LRFN1: variants seen among roughly 807,000 people sequenced by gnomAD.
LRFN1 encodes leucine rich repeat and fibronectin type III domain containing 1.
Under a neutral mutation model 31.8 loss-of-function variants are expected in LRFN1, and 20 were observed. The observed-to-expected ratio is 0.63, with a 90% confidence interval of 0.44 to 0.91. The LOEUF (loss-of-function observed/expected upper bound fraction) is 0.91, where lower values mean the gene tolerates loss of function less well. Ranked by LOEUF, LRFN1 falls within the 40% of genes least tolerant of loss-of-function variation. LRFN1 has a pLI of 0.00. For missense variants in LRFN1, 912 were observed against 1,129.8 expected, an observed-to-expected ratio of 0.81 and a Z score of 2.76; for synonymous variants, 514 against 541.3, an observed-to-expected ratio of 0.95 and a Z score of 0.70.
At chr19:39,313,871 G>T in intron 4 of LRFN1, 60 bp downstream of exon 4, 2 of 1,490,106 alleles carry the variant, frequency 1.3e-6, no homozygotes, top group Non-Finnish European at 1.8e-6. Flanking sequence ...ATGGGCAGGT[G>T]GGAGGGAGGG....
In LRFN1 at chr19:39,308,449, C is replaced by A. The variant is rs758709899; in HGVS notation, c.1500G>T (p.Gly500=). The change falls in exon 5 of 5, where the codon GGG becomes GGT. Residue 500 remains glycine (G), a synonymous_variant. Transcript: ENST00000248668. The surrounding 1 kb of genome is among the most constrained non-coding windows in gnomAD (Gnocchi z 6.2). ...CTCGCGTTGCCGGCAGCGCTGTGGCCCCGTCGTCGTAGACCGCCAGCACGC... is the reference window on the plus strand; with the variant it reads ...CTCGCGTTGCCGGCAGCGCTGTGGCACCGTCGTCGTAGACCGCCAGCACGC... ...DLCVLAVYDD[G]ATALPATRVV... is the part of the protein sequence containing the mutation. The A allele has an allele frequency of 1.9e-6, 3 of 1,610,108 alleles. No homozygotes were observed. In the South Asian group the frequency reaches 3.3e-5, roughly 18 times the overall value.
rs899202267 is a variant in LRFN1 at position 39,308,740 on chromosome 19, G to A, written c.1407-198C>T. 2.0e-5 allele frequency among the ~76,000 whole-genome samples: 3 copies of A among 151,940 alleles called. No homozygotes were observed. Among genetic ancestry groups the A allele is most frequent in the African/African-American group, 2.4e-5 (1 of 41,352 alleles). ...TTCACACCCCTCATCTGTATGCCCCGCCCTCAGACCCACCTCCTGGCTGTG... is the reference window on the plus strand; with the variant it reads ...TTCACACCCCTCATCTGTATGCCCCACCCTCAGACCCACCTCCTGGCTGTG... On this transcript the variant is annotated intron_variant, in intron 4 of 4. Transcript: ENST00000248668. This position sits in a 1 kb window ranked among gnomAD's most constrained non-coding sequence, Gnocchi z 6.2.
At chr19:39,313,905 C>T (rs776043874) in intron 4 of LRFN1, 26 bp downstream of exon 4, 11 of 1,562,916 alleles carry the variant, frequency 7.0e-6, no homozygotes, top group Non-Finnish European at 8.7e-6. Flanking sequence ...GGGAGGAGGC[C>T]CTGGGACTGC....
Position 39,314,985 on chromosome 19 carries a change from G to C in LRFN1, c.352C>G (p.Leu118Val). The C allele has an allele frequency of 6.3e-7, 1 of 1,590,846 alleles. No individual in the cohort carries two copies. The highest frequency in any genetic ancestry group is 8.5e-7 in the Non-Finnish European group (1 of 1,174,764). Residue 118 changes from leucine (L) to valine (V), a missense_variant, in exon 4 of 5, where the codon CTG becomes GTG. Physicochemically the swap from Leu to Val is conservative, Grantham distance 32. Transcript: ENST00000248668. ...AFADLRALRA[L>V]HLDSNRLAEV... is the part of the protein sequence containing the mutation. ...GCCAGGCGGTTGCTGTCCAGGTGCA[G>C]GGCCCGGAGGGCACGCAGGTCGGCG...
chr19:39,308,154 G>A lies in LRFN1; in HGVS notation c.1795C>T (p.Leu599=), dbSNP rs1452195528. The A allele has an allele frequency of 1.4e-5, 22 of 1,547,362 alleles. No individual in the cohort carries two copies. The highest frequency in any genetic ancestry group is 1.7e-5 in the Non-Finnish European group (20 of 1,148,306). Residue 599 remains leucine, a synonymous_variant, in exon 5 of 5, where the codon CTG becomes TTG. Coordinates refer to ENST00000248668, the MANE Select transcript of LRFN1 (RefSeq NM_020862.2). This position sits in a 1 kb window ranked among gnomAD's most constrained non-coding sequence, Gnocchi z 6.2. The part of the protein sequence containing the change: ...AGTGAAQAPA[L]PAQDHYEALR... The stretch of plus-strand genomic sequence containing the variant: ...GCCTCGTAGTGGTCCTGGGCCGGCA[G>A]GGCCGGGGCCTGTGCCGCGCCTGTG...
chr19:39,308,546 T>C lies in LRFN1; in HGVS notation c.1407-4A>G, dbSNP rs1436679639. On this transcript the variant is annotated splice_polypyrimidine_tract_variant and splice_region_variant and intron_variant, in intron 4 of 4. Transcript: ENST00000248668. The surrounding 1 kb of genome is among the most constrained non-coding windows in gnomAD (Gnocchi z 6.2). ...CTGACTGGTGGACGGGATCATCCTGTAGGAGGGGGCGGGTTCAGGGCGGGG... is the reference window on the plus strand; with the variant it reads ...CTGACTGGTGGACGGGATCATCCTGCAGGAGGGGGCGGGTTCAGGGCGGGG... 1.9e-6 allele frequency: 3 copies of C among 1,581,280 alleles called. No homozygotes were observed. The highest frequency in any genetic ancestry group is 1.7e-6 in the Non-Finnish European group (2 of 1,170,386).
In LRFN1 at chr19:39,314,211, C is replaced by A; in HGVS notation, c.1126G>T (p.Ala376Ser). The A allele has an allele frequency of 6.2e-7, 1 of 1,613,340 alleles. No individual in the cohort carries two copies. Among genetic ancestry groups the A allele is most frequent in the Non-Finnish European group, 8.5e-7 (1 of 1,179,692 alleles). The change falls in exon 4 of 5, where the codon GCT becomes TCT. Residue 376 changes from alanine (A) to serine (S), a missense_variant. By Grantham distance (99) the Ala-to-Ser change is moderately conservative. Coordinates refer to ENST00000248668, the MANE Select transcript of LRFN1 (RefSeq NM_020862.2). The part of the protein sequence containing the change: ...GTFTCIASNA[A>S]GEATAPVEVC... ...TCCACGGGCGCCGTCGCTTCCCCAGCAGCATTGGAGGCGATACAAGTGAAG... is the reference window on the plus strand; with the variant it reads ...TCCACGGGCGCCGTCGCTTCCCCAGAAGCATTGGAGGCGATACAAGTGAAG...
At chr19:39,312,452 A>G (rs143631648) in intron 4 of LRFN1, among the ~76,000 whole-genome samples, 1 of 152,220 alleles carries the variant, frequency 6.6e-6, no homozygotes, top group Non-Finnish European at 1.5e-5. Flanking sequence ...GTGGCAAACT[A>G]CCATTTATCA....
At position 39,307,647 on chromosome 19, in the gene LRFN1, C is replaced by A; in HGVS notation, c.2302G>T (p.Glu768Ter). The part of the protein sequence containing the change: ...LAFTSTEWML[E>*]STV ...CCGCCCGCCGCTCACACGGTACTCT[C>A]CAGCATCCACTCGGTGCTGGTGAAA... The change falls in exon 5 of 5, where the codon GAG (glutamate) becomes TAG (stop). Residue 768 changes from glutamate to a stop codon, truncating the protein, a stop_gained. Coordinates refer to ENST00000248668, the MANE Select transcript of LRFN1 (RefSeq NM_020862.2). LOFTEE classifies it high-confidence loss of function. This position sits in a 1 kb window ranked among gnomAD's most constrained non-coding sequence, Gnocchi z 6.7. 6.8e-7 allele frequency: 1 copy of A among 1,464,698 alleles called. No homozygotes were observed. The highest frequency in any genetic ancestry group is 8.9e-7 in the Non-Finnish European group (1 of 1,117,498). The allele number at this position is 1,464,698 out of a possible 1,614,324, so 90.7% of individuals were successfully genotyped here.
chr19:39,310,020 C>T (rs183710216), intron 4 of LRFN1, among the ~76,000 whole-genome samples: 89 of 152,270 alleles, frequency 5.8e-4, no homozygotes, highest in African/African-American at 1.8e-3. Context: ...TACAATGACG[C>T]GATCTCGGCT....
Position 39,308,347 on chromosome 19 carries a change from G to A in LRFN1, c.1602C>T (p.Gly534=). The A allele has an allele frequency of 5.6e-6, 9 of 1,612,796 alleles. No homozygotes were observed. The highest frequency in any genetic ancestry group is 1.7e-5 in the Admixed American group (1 of 59,938). Residue 534 remains glycine (G), a synonymous_variant, in exon 5 of 5, where the codon GGC becomes GGT. Transcript: ENST00000248668. The surrounding 1 kb of genome is among the most constrained non-coding windows in gnomAD (Gnocchi z 6.2). ...CRPLRAHFLG[G]TMIIAIGGVI... The stretch of plus-strand genomic sequence containing the variant: ...CGCCCCCGATGGCGATGATCATGGT[G>A]CCGCCCAAGAAATGGGCCCTCAGCG...
chr19:39,315,126 G>T lies in LRFN1; in HGVS notation c.211C>A (p.Arg71=), dbSNP rs766235216. 2.5e-6 allele frequency: 4 copies of T among 1,592,794 alleles called. No individual in the cohort carries two copies. The South Asian group carries it at 4.5e-5, about 18-fold the overall frequency. ...PAIDRRVVEL[R]LTDNFIAAVR... Reference sequence around the variant, plus strand: ...GCGGCGATGAAGTTGTCGGTGAGCCGCAGCTCCACCACGCGCCGGTCGATG... The same window carrying T: ...GCGGCGATGAAGTTGTCGGTGAGCCTCAGCTCCACCACGCGCCGGTCGATG... The change falls in exon 4 of 5, where the codon CGG becomes AGG. Residue 71 remains arginine, a synonymous_variant. Coordinates refer to ENST00000248668, the MANE Select transcript of LRFN1 (RefSeq NM_020862.2). This position sits in a 1 kb window ranked among gnomAD's most constrained non-coding sequence, Gnocchi z 4.7.
rs755280894 is a variant in LRFN1, at chr19:39,314,713, C to G, written c.624G>C (p.Gln208His). 3.1e-6 allele frequency: 5 copies of G among 1,613,260 alleles called. No individual in the cohort carries two copies. The African/African-American group carries it at 5.3e-5, about 17-fold the overall frequency. The change falls in exon 4 of 5, where the codon CAG becomes CAC. Residue 208 changes from glutamine (Q) to histidine (H), a missense_variant. Coordinates refer to ENST00000248668, the MANE Select transcript of LRFN1 (RefSeq NM_020862.2). ...TGTCCAGACGGACCAGCTTGTGAAG[C>G]TGCACGAAGGTCCCCTCCGCGATGT... The part of the protein sequence containing the change: ...IDHIAEGTFV[Q>H]LHKLVRLDMT...
At position 39,314,888 on chromosome 19, in the gene LRFN1, C is replaced by T. The variant is rs1044415183; in HGVS notation, c.449G>A (p.Arg150His). ...GTCAAAGGCCGCCGACTCCACCCGG[C>T]GGATCTGGTTGTTTCCAAGGATCAG... Reference protein sequence around the residue: ...RHLILGNNQIRRVESAAFDAF... With the variant: ...RHLILGNNQIHRVESAAFDAF... The change falls in exon 4 of 5, where the codon CGC (arginine) becomes CAC (histidine). Residue 150 changes from arginine (R) to histidine (H), a missense_variant. Around this residue, in one of 2 missense-constraint regions of LRFN1, gnomAD observed 401 missense variants for 572.7 expected, o/e 0.70. Transcript: ENST00000248668. 3 of 1,609,512 alleles carry T rather than the reference C, an allele frequency of 1.9e-6. No homozygotes were observed. Among genetic ancestry groups the T allele is most frequent in the Admixed American group, 1.7e-5 (1 of 59,268 alleles).
intron 1 of LRFN1, among the ~76,000 whole-genome samples, chr19:39,318,678 A>C (rs886612942): frequency 3.3e-5 from 5 of 152,122 alleles, no homozygotes; most frequent in Non-Finnish European, 7.4e-5. Flanking sequence ...GCCCTCCATT[A>C]GAACCCAAGA....
chr19:39,314,503 G>C lies in LRFN1; in HGVS notation c.834C>G (p.Pro278=). The change falls in exon 4 of 5, where the codon CCC becomes CCG. Residue 278 remains proline (P), a synonymous_variant. Transcript: ENST00000248668. ...REDDLETCAT[P]EHLTDRYFWS... is the part of the protein sequence containing the mutation. The stretch of plus-strand genomic sequence containing the variant: ...AGAAGTAGCGGTCGGTGAGGTGTTC[G>C]GGCGTGGCGCAGGTCTCTAAGTCGT... The C allele has an allele frequency of 6.2e-7, 1 of 1,610,236 alleles. No homozygotes were observed. The highest frequency in any genetic ancestry group is 8.5e-7 in the Non-Finnish European group (1 of 1,179,022).
chr19:39,307,259 C>T lies in LRFN1; in HGVS notation c.*374G>A. 7.5e-6 allele frequency: 3 copies of T among 398,386 alleles called. No homozygotes were observed. The East Asian group carries it at 1.1e-4, about 14-fold the overall frequency. The allele number at this position is 398,386 out of a possible 1,614,324, so 24.7% of individuals were successfully genotyped here. On this transcript the variant is annotated 3_prime_UTR_variant, in exon 5 of 5. Coordinates refer to ENST00000248668, the MANE Select transcript of LRFN1 (RefSeq NM_020862.2). The surrounding 1 kb of genome is among the most constrained non-coding windows in gnomAD (Gnocchi z 6.7). ...AGAAATGGGCCCCTCGCCCCGGCCC[C>T]GGGTGACGGGCTGGGGGAGGGGGCT...
rs774384259 is a variant in LRFN1 at position 39,314,503 on chromosome 19, G to A, written c.834C>T (p.Pro278=). 2.5e-6 allele frequency: 4 copies of A among 1,610,236 alleles called. No individual in the cohort carries two copies. The highest frequency in any genetic ancestry group is 3.4e-5 in the Admixed American group (2 of 59,688). ...AGAAGTAGCGGTCGGTGAGGTGTTC[G>A]GGCGTGGCGCAGGTCTCTAAGTCGT... The part of the protein sequence containing the change: ...REDDLETCAT[P]EHLTDRYFWS... The change falls in exon 4 of 5, where the codon CCC becomes CCT. Residue 278 remains proline, a synonymous_variant. Transcript: ENST00000248668.
intron 1 of LRFN1, among the ~76,000 whole-genome samples, chr19:39,318,642 A>G (rs1485909648): frequency 6.6e-6 from 1 of 152,014 alleles, no homozygotes. Flanking sequence ...CTTCCCTCTG[A>G]CCCAAGAGTC....
Sources: gnomAD v4.1 joint callset for allele counts (sites outside exome capture counted in the v4.1 genomes callset) on GRCh38, gnomAD v4.1.1 for gene constraint, gnomAD v4.1.1 regional missense constraint, Gnocchi (gnomAD v3.1) non-coding constraint, MANE v1.5 for transcripts, NCBI Gene and HGNC (gene_info 2026-07-23, HGNC 2026-07-21) for gene names.